The following BNC2 variants were observed in gnomAD, a reference collection of about 807,000 sequenced individuals.
BNC2 encodes basonuclin zinc finger protein 2.
In BNC2, 20 loss-of-function variants were observed where a neutral mutation model predicts 76.3. The observed-to-expected ratio is 0.26, with a 90% CI of 0.18 to 0.38. The LOEUF is 0.38. BNC2 is among the 10% of genes least tolerant of loss of function. The pLI is 1.00. For synonymous variants in BNC2, 582 were observed against 514.8 expected (o/e 1.13, Z -1.77); for missense variants, 1,382 against 1,399.8 (o/e 0.99, Z 0.20).
intron 5 of BNC2, among the ~76,000 whole-genome samples, chr9:16,523,682 C>A (rs182153527): frequency 2.0e-5 from 3 of 151,972 alleles, no homozygotes; most frequent in Admixed American, 2.0e-4. Flanking sequence ...AATCCCAACA[C>A]CAGAGGCCGA....
chr9:16,642,552 T>C (rs1310457099), intron 3 of BNC2, among the ~76,000 whole-genome samples: 1 of 152,166 alleles, frequency 6.6e-6, no homozygotes, highest in African/African-American at 2.4e-5. Context: ...TCACTAAAAT[T>C]TTTCTTTCAC....
At chr9:16,516,378 A>T (rs1434182769) in intron 5 of BNC2, among the ~76,000 whole-genome samples, 1 of 152,186 alleles carries the variant, frequency 6.6e-6, no homozygotes, top group Non-Finnish European at 1.5e-5. Context: ...CTTAAAAAAA[A>T]AAAAACTAAC....
chr9:16,631,472 T>A (rs1821158033), intron 3 of BNC2, among the ~76,000 whole-genome samples: 1 of 152,132 alleles, frequency 6.6e-6, no homozygotes, highest in Non-Finnish European at 1.5e-5. Flanking sequence ...AATACGCTTA[T>A]CCACATTGAA....
intron 5 of BNC2, among the ~76,000 whole-genome samples, chr9:16,506,913 G>A (rs571518620): frequency 4.4e-4 from 67 of 151,408 alleles, no homozygotes; most frequent in African/African-American, 1.6e-3. Context: ...CACCACACTC[G>A]GCTAATTTTT....
intron 5 of BNC2, among the ~76,000 whole-genome samples, chr9:16,543,393 CAGG>C (rs966346522): frequency 2.0e-5 from 3 of 152,120 alleles, no homozygotes; most frequent in African/African-American, 7.2e-5. Context: ...GAGTGCTGCT[CAGG>C]AGATCATATG....
At chr9:16,563,194 G>C (rs560815069) in intron 4 of BNC2, among the ~76,000 whole-genome samples, 1 of 152,232 alleles carries the variant, frequency 6.6e-6, no homozygotes, top group African/African-American at 2.4e-5. Context: ...GCAACAGTAA[G>C]ATAAAAGCAT....
intron 1 of BNC2, among the ~76,000 whole-genome samples, chr9:16,809,137 C>T (rs1481700571): frequency 2.0e-5 from 3 of 152,118 alleles, no homozygotes; most frequent in Non-Finnish European, 1.5e-5. Context: ...GCTTAAATGG[C>T]CTGGGTCTAA....
At chr9:16,582,852 C>T (rs759669495) in intron 4 of BNC2, 131 bp downstream of exon 4, 5 of 757,446 alleles carry the variant, frequency 6.6e-6, no homozygotes, top group Non-Finnish European at 1.1e-5. Context: ...TGGAGCACAG[C>T]TGACCTCTCT....
At chr9:16,638,131 G>C (rs976202255) in intron 3 of BNC2, among the ~76,000 whole-genome samples, 1 of 152,176 alleles carries the variant, frequency 6.6e-6, no homozygotes, top group Non-Finnish European at 1.5e-5. Context: ...TGGGAGTCTT[G>C]TAGGAACAAG....
At chr9:16,621,106 C>T (rs991495196) in intron 3 of BNC2, among the ~76,000 whole-genome samples, 3 of 152,192 alleles carry the variant, frequency 2.0e-5, no homozygotes, top group East Asian at 1.9e-4. Flanking sequence ...GATTCAACAA[C>T]GCCTGTGACT....
chr9:16,840,370 GC>G (rs1355600875), intron 1 of BNC2, among the ~76,000 whole-genome samples: 1 of 152,140 alleles, frequency 6.6e-6, no homozygotes, highest in African/African-American at 2.4e-5. Context: ...AGAACTTACT[GC>G]CATTTCATAT....
At chr9:16,644,580 G>C (rs981629365) in intron 3 of BNC2, among the ~76,000 whole-genome samples, 1 of 151,854 alleles carries the variant, frequency 6.6e-6, no homozygotes, top group African/African-American at 2.4e-5. Flanking sequence ...TTTTCTTTAA[G>C]CTTATGTATT....
intron 1 of BNC2, among the ~76,000 whole-genome samples, chr9:16,822,030 C>T (rs922459671): frequency 1.4e-5 from 2 of 147,088 alleles, no homozygotes; most frequent in Admixed American, 7.0e-5. Context: ...AAAGCGGAGC[C>T]TGCAGTGAGC....
chr9:16,797,159 T>TTA (rs1817677754), intron 1 of BNC2, among the ~76,000 whole-genome samples: 1 of 152,016 alleles, frequency 6.6e-6, no homozygotes, highest in Non-Finnish European at 1.5e-5. Flanking sequence ...GATTTTTTTT[T>TTA]ACTTAACCTT....
At chr9:16,748,815 C>A (rs1256878972) in intron 1 of BNC2, among the ~76,000 whole-genome samples, 3 of 136,372 alleles carry the variant, frequency 2.2e-5, no homozygotes, top group African/African-American at 8.5e-5. Flanking sequence ...TGCACTCCAG[C>A]CTGGGCAACA....
chr9:16,688,432 T>C (rs1424244193), intron 3 of BNC2, among the ~76,000 whole-genome samples: 1 of 152,192 alleles, frequency 6.6e-6, no homozygotes. Flanking sequence ...TATTGTAAAT[T>C]AGGATAATAA....
chr9:16,539,326 C>T (rs2132334304), intron 5 of BNC2, among the ~76,000 whole-genome samples: 1 of 151,912 alleles, frequency 6.6e-6, no homozygotes, highest in East Asian at 1.9e-4. Context: ...TTGAGACCAG[C>T]CTGGGCAATA....
At chr9:16,477,350 C>T (rs1407647701) in intron 5 of BNC2, among the ~76,000 whole-genome samples, 1 of 151,898 alleles carries the variant, frequency 6.6e-6, no homozygotes, top group Non-Finnish European at 1.5e-5. Flanking sequence ...GAAAATCTTT[C>T]CTTGATAACA....
At chr9:16,437,665 T>C (rs1357449305) in intron 5 of BNC2, 141 bp from the exon 6 acceptor site, 2 of 1,029,988 alleles carry the variant, frequency 1.9e-6, no homozygotes, top group East Asian at 5.2e-5. Flanking sequence ...GCACTGTTAA[T>C]AAAAGTCAAC....
Sources: gnomAD v4.1 joint callset for allele counts (sites outside exome capture counted in the v4.1 genomes callset) on GRCh38, gnomAD v4.1.1 for gene constraint, MANE v1.5 for transcripts, NCBI Gene and HGNC (gene_info 2026-07-23, HGNC 2026-07-21) for gene names.